ANKRD44: variants seen among roughly 807,000 people sequenced by gnomAD.
ANKRD44 encodes serine/threonine-protein phosphatase 6 regulatory ankyrin repeat subunit B.
Under a neutral mutation model 116.0 loss-of-function variants are expected in ANKRD44, and 35 were observed. The observed-to-expected ratio is 0.30, with a 90% CI of 0.23 to 0.40. ANKRD44 has a LOEUF of 0.40. Among genes scored for constraint, ANKRD44 ranks in the 10% least tolerant of loss-of-function variants. The probability of loss-of-function intolerance (pLI) is 1.00; values close to 1 mark genes in which losing one functional copy is unlikely to be tolerated. For missense variants in ANKRD44, 1,014 were observed against 1,242.6 expected, an observed-to-expected ratio of 0.82 and a Z score of 2.77; for synonymous variants, 435 against 461.8, an observed-to-expected ratio of 0.94 and a Z score of 0.74.
intron 16 of ANKRD44, among the ~76,000 whole-genome samples, chr2:197,041,983 C>G (rs2076919246): frequency 6.6e-6 from 1 of 151,566 alleles, no homozygotes; most frequent in Non-Finnish European, 1.5e-5. Flanking sequence ...ATCTATTGTA[C>G]CACAGCTATT....
intron 2 of ANKRD44, among the ~76,000 whole-genome samples, chr2:197,153,002 A>G (rs550138018): frequency 2.2e-4 from 33 of 152,238 alleles, no homozygotes; most frequent in African/African-American, 7.7e-4. Flanking sequence ...GGATGGCTTA[A>G]GCCCAGGAAA....
intron 16 of ANKRD44, among the ~76,000 whole-genome samples, chr2:197,069,380 T>A (rs1574395784): frequency 6.6e-6 from 1 of 152,244 alleles, no homozygotes; most frequent in South Asian, 2.1e-4. Context: ...GCATACCAAC[T>A]TGGCACATGT....
intron 2 of ANKRD44, among the ~76,000 whole-genome samples, chr2:197,159,226 T>C (rs1398079356): frequency 6.6e-6 from 1 of 152,242 alleles, no homozygotes; most frequent in Non-Finnish European, 1.5e-5. Flanking sequence ...GATTAGTAGT[T>C]CTTTCCAAGT....
Position 197,186,549 on chromosome 2 carries a change from C to G in ANKRD44, c.111+474G>C, listed in dbSNP as rs2579413. On this transcript the variant is annotated intron_variant, in intron 2 of 27. Transcript: ENST00000282272. ...GCGTGATCAAAGTTCACTGCAGCCT[C>G]GAACTCCTGGGCTCAGGCAATCCTC... 2.2e-3 allele frequency among the ~76,000 whole-genome samples: 331 copies of G among 149,340 alleles called. 1 individual carries two copies. The highest frequency in any genetic ancestry group is 7.6e-3 in the African/African-American group (309 of 40,692).
chr2:197,090,118 G>T, intron 10 of ANKRD44, 86 bp from the exon 11 acceptor site: 2 of 1,052,276 alleles, frequency 1.9e-6, no homozygotes, highest in Non-Finnish European at 2.9e-6. Context: ...ATTCTCTGAT[G>T]AAAATTAACA....
chr2:197,141,177 A>G (rs1461694144), intron 3 of ANKRD44, among the ~76,000 whole-genome samples: 1 of 152,208 alleles, frequency 6.6e-6, no homozygotes, highest in East Asian at 1.9e-4. Context: ...AGATCATGCC[A>G]CTGCCCTCCA....
intron 21 of ANKRD44, among the ~76,000 whole-genome samples, chr2:196,971,066 TA>T (rs1244898652): frequency 1.3e-5 from 2 of 150,122 alleles, no homozygotes; most frequent in Admixed American, 6.7e-5. Flanking sequence ...AATGTTTGCA[TA>T]TTTTTTTTGC....
At position 196,987,730 on chromosome 2, in the gene ANKRD44, T is replaced by C; in HGVS notation, c.*1861A>G. ...GTATTTAGCAAAGACAGGCAGACACTGGCAAATAAGTAAGTGCAATGAAAC... is the reference window on the plus strand; with the variant it reads ...GTATTTAGCAAAGACAGGCAGACACCGGCAAATAAGTAAGTGCAATGAAAC... On this transcript the variant is annotated 3_prime_UTR_variant, in exon 28 of 28. Transcript: ENST00000282272. 1.0e-6 allele frequency: 1 copy of C among 985,406 alleles called. No homozygotes were observed. The highest frequency in any genetic ancestry group is 6.1e-5 in the Admixed American group (1 of 16,280). 61.0% of individuals were successfully genotyped at this position (985,406 alleles called of 1,614,324 possible).
At chr2:197,180,902 A>G (rs540493207) in intron 2 of ANKRD44, among the ~76,000 whole-genome samples, 56 of 152,326 alleles carry the variant, frequency 3.7e-4, no homozygotes, top group African/African-American at 1.3e-3. Flanking sequence ...ACATATTACA[A>G]GCTTGCTATT....
chr2:197,211,764 G>A (rs933001012), intron 1 of ANKRD44, among the ~76,000 whole-genome samples: 8 of 151,922 alleles, frequency 5.3e-5, no homozygotes, highest in South Asian at 2.1e-4. Context: ...GGAGGTTCCA[G>A]GTGTTCATTA....
chr2:197,202,375 C>A, intron 1 of ANKRD44, among the ~76,000 whole-genome samples: 1 of 148,240 alleles, frequency 6.7e-6, no homozygotes. Flanking sequence ...CCTCCAAGAA[C>A]AATAAGGGAA....
At chr2:197,278,038 A>G (rs1031457214) in intron 1 of ANKRD44, among the ~76,000 whole-genome samples, 7 of 152,138 alleles carry the variant, frequency 4.6e-5, no homozygotes, top group Non-Finnish European at 8.8e-5. Context: ...TTTCTGCTTA[A>G]TCAATTCCCA....
intron 21 of ANKRD44, among the ~76,000 whole-genome samples, chr2:196,975,834 A>C: frequency 6.7e-6 from 1 of 150,328 alleles, no homozygotes; most frequent in East Asian, 1.9e-4. Flanking sequence ...AGAAAGAAAG[A>C]AAGAAAGAAG....
At chr2:197,092,003 C>T (rs965033988) in intron 10 of ANKRD44, among the ~76,000 whole-genome samples, 6 of 152,194 alleles carry the variant, frequency 3.9e-5, no homozygotes, top group Admixed American at 1.3e-4. Context: ...AAGGGACAGA[C>T]GTCTTCTGTC....
chr2:197,177,576 G>A (rs932732211), intron 2 of ANKRD44, among the ~76,000 whole-genome samples: 3 of 151,866 alleles, frequency 2.0e-5, no homozygotes, highest in Admixed American at 6.6e-5. Context: ...TTGCTTTCTC[G>A]TGAGTTTGTG....
intron 1 of ANKRD44, among the ~76,000 whole-genome samples, chr2:197,286,363 C>G (rs1201505846): frequency 3.5e-5 from 5 of 144,238 alleles, no homozygotes; most frequent in Non-Finnish European, 7.5e-5. Context: ...TTACCTACTT[C>G]TTCTACTTTT....
chr2:197,147,181 T>G, intron 2 of ANKRD44, 76 bp from the exon 3 acceptor site: 1 of 1,134,704 alleles, frequency 8.8e-7, no homozygotes, highest in Non-Finnish European at 1.3e-6. Context: ...TAGTAAGACG[T>G]GTCACTCACT....
intron 3 of ANKRD44, among the ~76,000 whole-genome samples, chr2:197,146,075 C>T (rs1406532314): frequency 6.6e-6 from 1 of 152,092 alleles, no homozygotes; most frequent in Non-Finnish European, 1.5e-5. Context: ...ACTGAGCATA[C>T]AGGTTTCCAA....
intron 12 of ANKRD44, 78 bp downstream of exon 12, chr2:197,088,633 G>T: frequency 2.2e-6 from 2 of 910,254 alleles, no homozygotes; most frequent in South Asian, 2.4e-5. Context: ...AATTGCCTTT[G>T]ATTCACAGAC....
Sources: allele counts gnomAD v4.1 joint callset (sites outside exome capture counted in the v4.1 genomes callset), GRCh38; gene constraint gnomAD v4.1.1; transcripts MANE v1.5; gene names NCBI Gene and HGNC (gene_info 2026-07-23, HGNC 2026-07-21).